TCF7L2: variants seen among roughly 807,000 people sequenced by gnomAD.
TCF7L2 encodes the protein transcription factor 7 like 2.
A neutral mutation model predicts 77.9 loss-of-function variants in TCF7L2; 23 were observed. That is an observed-to-expected ratio of 0.30 (90% CI 0.21 to 0.42). TCF7L2 has a LOEUF of 0.42. TCF7L2 is among the 10% of genes least tolerant of loss of function. TCF7L2 has a pLI of 1.00. For missense variants in TCF7L2, 654 were observed against 793.1 expected (o/e 0.82, Z 2.11); for synonymous variants, 413 against 340.2 (o/e 1.21, Z -2.36).
chr10:113,158,302 T>C (rs988129031), intron 12 of TCF7L2, among the ~76,000 whole-genome samples: 10 of 152,164 alleles, frequency 6.6e-5, no homozygotes, highest in Non-Finnish European at 1.2e-4. Context: ...TAGTGGAATG[T>C]GTTTTAAAAT....
chr10:113,115,568 G>A (rs917298780), intron 5 of TCF7L2, among the ~76,000 whole-genome samples: 78 of 152,096 alleles, frequency 5.1e-4, no homozygotes, highest in African/African-American at 1.6e-3. Context: ...TGAATTGCAC[G>A]GAACGTTGTG....
intron 5 of TCF7L2, among the ~76,000 whole-genome samples, chr10:113,063,944 T>C (rs2056886577): frequency 6.6e-6 from 1 of 150,794 alleles, no homozygotes; most frequent in Admixed American, 6.6e-5. Flanking sequence ...GGATGGATGA[T>C]GTGTCGTCAT....
chr10:113,081,283 A>G (rs1404871934), intron 5 of TCF7L2, among the ~76,000 whole-genome samples: 6 of 152,208 alleles, frequency 3.9e-5, no homozygotes, highest in Non-Finnish European at 8.8e-5. Flanking sequence ...CTGCCCAGTA[A>G]TGTTTACAGC....
At chr10:113,096,153 A>C (rs1020512117) in intron 5 of TCF7L2, among the ~76,000 whole-genome samples, 28 of 152,166 alleles carry the variant, frequency 1.8e-4, no homozygotes, top group African/African-American at 6.5e-4. Flanking sequence ...TGCAGTTAGC[A>C]CTTAGGGAGA....
chr10:113,093,635 C>A (rs972599325), intron 5 of TCF7L2, among the ~76,000 whole-genome samples: 10 of 152,240 alleles, frequency 6.6e-5, no homozygotes, highest in African/African-American at 2.4e-4. Context: ...GTTGGTAGAC[C>A]AGCTGAGTAA....
intron 5 of TCF7L2, among the ~76,000 whole-genome samples, chr10:113,043,691 C>T (rs903019773): frequency 6.6e-6 from 1 of 152,104 alleles, no homozygotes; most frequent in African/African-American, 2.4e-5. Context: ...CCCCCAGCCT[C>T]CCCAGTCCTA....
intron 11 of TCF7L2, among the ~76,000 whole-genome samples, chr10:113,154,366 C>G (rs2071402349): frequency 6.6e-6 from 1 of 152,148 alleles, no homozygotes; most frequent in Non-Finnish European, 1.5e-5. Context: ...TGCTACAGAC[C>G]CAATTCTTTG....
intron 5 of TCF7L2, among the ~76,000 whole-genome samples, chr10:113,112,550 A>G (rs1046786093): frequency 1.3e-5 from 2 of 152,238 alleles, no homozygotes; most frequent in African/African-American, 2.4e-5. Flanking sequence ...CTGAGAACAC[A>G]TACGTGTTGT....
intron 4 of TCF7L2, among the ~76,000 whole-genome samples, chr10:113,005,444 C>A (rs1044898674): frequency 1.3e-5 from 2 of 152,114 alleles, no homozygotes; most frequent in Non-Finnish European, 2.9e-5. Flanking sequence ...ATTCTAAGTC[C>A]TTTTCTACTC....
chr10:112,987,125 C>T (rs2041693441), intron 4 of TCF7L2, among the ~76,000 whole-genome samples: 1 of 152,174 alleles, frequency 6.6e-6, no homozygotes, highest in Non-Finnish European at 1.5e-5. Context: ...TACCGAGCAT[C>T]TTCTGGTAGC....
chr10:113,161,508 C>G, intron 13 of TCF7L2: 1 of 1,495,198 alleles, frequency 6.7e-7, no homozygotes, highest in Admixed American at 2.0e-5. Flanking sequence ...CCGACTAGCT[C>G]CTGTCTCATT....
intron 5 of TCF7L2, among the ~76,000 whole-genome samples, chr10:113,118,800 G>A (rs1202709503): frequency 2.0e-5 from 3 of 151,156 alleles, no homozygotes; most frequent in Non-Finnish European, 2.9e-5. Context: ...ACTCAATTGC[G>A]ATACTTTGTA....
intron 5 of TCF7L2, among the ~76,000 whole-genome samples, chr10:113,087,022 A>G (rs1054079932): frequency 3.3e-5 from 5 of 152,198 alleles, no homozygotes; most frequent in Non-Finnish European, 5.9e-5. Context: ...AAAAAGGGCA[A>G]TAAGTGTAGC....
At chr10:113,070,265 A>ATTTT (rs1190167328) in intron 5 of TCF7L2, among the ~76,000 whole-genome samples, 5 of 78,604 alleles carry the variant, frequency 6.4e-5, no homozygotes, top group Admixed American at 1.6e-4. Flanking sequence ...AAAAAAAAAA[A>ATTTT]AATTTATATA....
chr10:113,144,100 CTGTGTG>C lies in TCF7L2; in HGVS notation c.788+107_788+112del, dbSNP rs3830991. Reference sequence around the variant, plus strand: ...TTTATTATTTATTCTGTGTGTGTGTCTGTGTGTGTGTGTGTGTGTGTGTGTGTGTGT... The same window carrying C: ...TTTATTATTTATTCTGTGTGTGTGTCTGTGTGTGTGTGTGTGTGTGTGTGT... On this transcript the variant is annotated intron_variant, in intron 7 of 13. Coordinates refer to ENST00000627217, the MANE Select transcript of TCF7L2 (RefSeq NM_001146274.2). 0.095 allele frequency: 61,059 copies of C among 644,878 alleles called. 525 individuals carry two copies. Among genetic ancestry groups the C allele is most frequent in the East Asian group, 0.16 (4,730 of 28,884 alleles). 39.9% of individuals were successfully genotyped at this position (644,878 alleles called of 1,614,324 possible).
At chr10:112,996,581 C>A (rs1165232493) in intron 4 of TCF7L2, among the ~76,000 whole-genome samples, 2 of 152,166 alleles carry the variant, frequency 1.3e-5, no homozygotes, top group Admixed American at 6.5e-5. Context: ...TGATGGAAGC[C>A]ACAGTGCTCA....
intron 5 of TCF7L2, among the ~76,000 whole-genome samples, chr10:113,118,538 T>TGTGTGTGTGTGG: frequency 6.6e-6 from 1 of 151,488 alleles, no homozygotes; most frequent in Non-Finnish European, 1.5e-5. Flanking sequence ...TGTGTGTGTG[T>TGTGTGTGTGTGG]GTGTGTGTGT....
At chr10:112,961,640 G>A (rs1445074153) in intron 3 of TCF7L2, among the ~76,000 whole-genome samples, 2 of 152,214 alleles carry the variant, frequency 1.3e-5, no homozygotes, top group Non-Finnish European at 2.9e-5. Context: ...ACCCAAAGGA[G>A]AAATAAAAAT....
intron 4 of TCF7L2, among the ~76,000 whole-genome samples, chr10:112,978,060 A>C (rs1308799682): frequency 1.3e-5 from 2 of 152,214 alleles, no homozygotes; most frequent in Admixed American, 1.3e-4. Context: ...GCCTAGAAAA[A>C]GCTCTTGCCA....
Sources: allele counts gnomAD v4.1 joint callset (sites outside exome capture counted in the v4.1 genomes callset), GRCh38; gene constraint gnomAD v4.1.1; transcripts MANE v1.5; gene names NCBI Gene and HGNC (gene_info 2026-07-23, HGNC 2026-07-21).